The following GOLGA4 variants were observed in gnomAD, a reference collection of about 807,000 sequenced individuals.
The protein encoded by GOLGA4 is golgin subfamily A member 4.
In GOLGA4, 169 loss-of-function variants were observed where a neutral mutation model predicts 265.9. The observed-to-expected ratio is 0.64, with a 90% CI of 0.56 to 0.72. The LOEUF (loss-of-function observed/expected upper bound fraction) is 0.72. Ranked by LOEUF, GOLGA4 falls within the 30% of genes least tolerant of loss-of-function variation. The pLI, the probability that GOLGA4 is intolerant of heterozygous loss-of-function variation, is 0.00. For synonymous variants in GOLGA4, 923 were observed against 855.8 expected (o/e 1.08, Z -1.37); for missense variants, 2,482 against 2,483.4 (o/e 1.00, Z 0.01).
intron 23 of GOLGA4, among the ~76,000 whole-genome samples, chr3:37,365,820 A>G (rs1202817448): frequency 6.8e-6 from 1 of 146,674 alleles, no homozygotes; most frequent in Non-Finnish European, 1.5e-5. Context: ...TTTTTTCAGA[A>G]TGGGGTCTTG....
In GOLGA4 at chr3:37,361,320, ATGT is replaced by A. The variant is rs1559478425; in HGVS notation, c.*33+16_*33+18del. ...GTTAACATGTGGTGAGTGAAGAACA[ATGT>A]CTTGTGTCTTTTGTGCAAAAATCAA... On this transcript the variant is annotated intron_variant, in intron 23 of 23. Coordinates refer to ENST00000361924, the MANE Select transcript of GOLGA4 (RefSeq NM_002078.5). The A allele has an allele frequency of 9.4e-6, 15 of 1,588,490 alleles. No individual in the cohort carries two copies. The highest frequency in any genetic ancestry group is 1.3e-5 in the African/African-American group (1 of 74,518).
chr3:37,276,012 G>T, intron 2 of GOLGA4: 4 of 1,613,144 alleles, frequency 2.5e-6, no homozygotes, highest in Non-Finnish European at 2.5e-6. Context: ...AGAGAAGAAA[G>T]TACTTCCAGC....
intron 12 of GOLGA4, 111 bp downstream of exon 12, chr3:37,319,305 C>A (rs542028405): frequency 2.5e-6 from 2 of 793,704 alleles, no homozygotes; most frequent in Non-Finnish European, 4.0e-6. Context: ...GCAGTCTTGA[C>A]GTTTGGGTAT....
intron 12 of GOLGA4, chr3:37,321,475 G>T: frequency 2.9e-6 from 1 of 345,680 alleles, no homozygotes. Flanking sequence ...AAAACAAGTA[G>T]TGGAAAAATA....
At chr3:37,257,741 GCT>G (rs948261354) in intron 2 of GOLGA4, among the ~76,000 whole-genome samples, 1 of 151,156 alleles carries the variant, frequency 6.6e-6, no homozygotes, top group Non-Finnish European at 1.5e-5. Flanking sequence ...CTCCTATCCT[GCT>G]CTCTCTGGTT....
At chr3:37,291,021 A>G (rs552904922) in intron 5 of GOLGA4, among the ~76,000 whole-genome samples, 6 of 152,272 alleles carry the variant, frequency 3.9e-5, no homozygotes, top group African/African-American at 1.4e-4. Flanking sequence ...GGGTGTTGAT[A>G]GGTATCTTGT....
At chr3:37,337,365 AT>A (rs35741468) in intron 18 of GOLGA4, among the ~76,000 whole-genome samples, 2 of 148,600 alleles carry the variant, frequency 1.3e-5, no homozygotes, top group Admixed American at 6.7e-5. Context: ...CGCCCGGCCA[AT>A]TTTTTTTTTA....
rs1248153703 is a variant in GOLGA4 at position 37,325,948 on chromosome 3, T to C, written c.4062T>C (p.Ala1354=). 3 of 1,601,196 alleles carry C rather than the reference T, an allele frequency of 1.9e-6. No homozygotes were observed. The highest frequency in any genetic ancestry group is 1.1e-5 in the South Asian group (1 of 90,726). The change falls in exon 14 of 24, where the codon GCT becomes GCC. Residue 1354 remains alanine (A), a synonymous_variant. Coordinates refer to ENST00000361924, the MANE Select transcript of GOLGA4 (RefSeq NM_002078.5). ...LKKELSENIN[A]VTLMKEELKE... is the part of the protein sequence containing the mutation. The stretch of plus-strand genomic sequence containing the variant: ...AAGAGTTATCTGAAAACATCAATGC[T>C]GTCACATTGATGAAAGAAGAGCTTA...
Position 37,328,497 on chromosome 3 carries a change from A to G in GOLGA4, c.6021A>G (p.Gln2007=). The G allele has an allele frequency of 6.2e-7, 1 of 1,613,190 alleles. No homozygotes were observed. Among genetic ancestry groups the G allele is most frequent in the Non-Finnish European group, 8.5e-7 (1 of 1,179,312 alleles). The part of the protein sequence containing the change: ...LMREFNTQLA[Q]KEQELEMTIK... ...GGGAGTTTAATACACAGCTGGCACA[A>G]AAGGAACAAGAGCTGGAAATGACCA... The change falls in exon 15 of 24, where the codon CAA becomes CAG. Residue 2007 remains glutamine, a synonymous_variant. Coordinates refer to ENST00000361924, the MANE Select transcript of GOLGA4 (RefSeq NM_002078.5).
At chr3:37,300,369 C>T (rs776247926) in intron 9 of GOLGA4, among the ~76,000 whole-genome samples, 2 of 152,196 alleles carry the variant, frequency 1.3e-5, no homozygotes, top group Non-Finnish European at 1.5e-5. Context: ...TAAGTGGTCA[C>T]GTAATTAAGA....
chr3:37,257,940 C>CATATAT (rs36161155), intron 2 of GOLGA4, among the ~76,000 whole-genome samples: 10 of 75,932 alleles, frequency 1.3e-4, no homozygotes, highest in African/African-American at 4.1e-4. Flanking sequence ...TATATACATA[C>CATATAT]ATATATATGT....
intron 2 of GOLGA4, among the ~76,000 whole-genome samples, chr3:37,254,466 TA>T (rs1398752591): frequency 2.0e-5 from 3 of 152,188 alleles, no homozygotes; most frequent in Non-Finnish European, 4.4e-5. Flanking sequence ...TTTGTTTTTT[TA>T]ATTGTTTTGT....
Position 37,360,843 on chromosome 3 carries a change from G to T in GOLGA4, c.6664-400G>T, listed in dbSNP as rs181949093. Among the ~76,000 whole-genome samples the T allele has an allele frequency of 8.4e-3, 1,276 of 152,158 alleles. 13 individuals carry two copies. Among genetic ancestry groups the T allele is most frequent in the South Asian group, 0.01 (49 of 4,826 alleles). Reference sequence around the variant, plus strand: ...TCTTCAAATTCATCATCATTTTCCCGAAAACTTTTTAGGGTAAATTGAGAT... The same window carrying T: ...TCTTCAAATTCATCATCATTTTCCCTAAAACTTTTTAGGGTAAATTGAGAT... On this transcript the variant is annotated intron_variant, in intron 22 of 23. Coordinates refer to ENST00000361924, the MANE Select transcript of GOLGA4 (RefSeq NM_002078.5).
chr3:37,339,821 T>C (rs1320488378), intron 19 of GOLGA4, among the ~76,000 whole-genome samples: 1 of 152,258 alleles, frequency 6.6e-6, no homozygotes, highest in Non-Finnish European at 1.5e-5. Context: ...TCCCATTCTG[T>C]AGCTTGTCTT....
intron 22 of GOLGA4, 24 bp from the exon 23 acceptor site, chr3:37,361,219 C>T (rs1559478122): frequency 3.1e-6 from 5 of 1,588,828 alleles, no homozygotes; most frequent in Non-Finnish European, 4.3e-6. Flanking sequence ...ACCCAATAAG[C>T]TTTTTTTCTT....
rs758262184 is a variant in GOLGA4, at chr3:37,328,511, T to G, written c.6035T>G (p.Leu2012Arg). 6.2e-7 allele frequency: 1 copy of G among 1,612,470 alleles called. No homozygotes were observed. Among genetic ancestry groups the G allele is most frequent in the Admixed American group, 1.7e-5 (1 of 59,810 alleles). Reference protein sequence around the residue: ...NTQLAQKEQELEMTIKETINK... With the variant: ...NTQLAQKEQEREMTIKETINK... ...CAGCTGGCACAAAAGGAACAAGAGC[T>G]GGAAATGACCATAAAAGAAACTATC... The change falls in exon 15 of 24, where the codon CTG becomes CGG. Residue 2012 changes from leucine (L) to arginine (R), a missense_variant. Physicochemically the swap from Leu to Arg is moderately radical, Grantham distance 102 (BLOSUM62 -2). Coordinates refer to ENST00000361924, the MANE Select transcript of GOLGA4 (RefSeq NM_002078.5).
chr3:37,258,028 T>C (rs2096757183), intron 2 of GOLGA4, among the ~76,000 whole-genome samples: 5 of 80,884 alleles, frequency 6.2e-5, no homozygotes, highest in Admixed American at 4.2e-4. Context: ...TATGTATGTA[T>C]ATATGTATAT....
At chr3:37,243,775 C>T (rs1388060729) in intron 1 of GOLGA4, 153 bp downstream of exon 1, 4 of 624,020 alleles carry the variant, frequency 6.4e-6, no homozygotes, top group African/African-American at 1.9e-5. Flanking sequence ...GAGCTCCGGG[C>T]GGTGCAGGTC....
intron 19 of GOLGA4, among the ~76,000 whole-genome samples, chr3:37,339,469 C>T (rs1295223880): frequency 6.6e-6 from 1 of 152,154 alleles, no homozygotes; most frequent in Non-Finnish European, 1.5e-5. Flanking sequence ...TTTTGAGGAA[C>T]TGCCAAACTT....
Sources: gnomAD v4.1 joint callset for allele counts (sites outside exome capture counted in the v4.1 genomes callset) on GRCh38, gnomAD v4.1.1 for gene constraint, MANE v1.5 for transcripts, NCBI Gene and HGNC (gene_info 2026-07-23, HGNC 2026-07-21) for gene names.